CLIC4: variants seen among roughly 807,000 people sequenced by gnomAD.
The protein encoded by CLIC4 is CLIC family member 4.
CLIC4 carries 13 observed loss-of-function variants against 24.6 expected under a neutral mutation model. That is an observed-to-expected ratio of 0.53 (90% CI 0.34 to 0.84). The LOEUF (loss-of-function observed/expected upper bound fraction) is 0.84. CLIC4 is among the 40% of genes least tolerant of loss of function. The probability of loss-of-function intolerance (pLI) is 0.01; values close to 1 mark genes in which losing one functional copy is unlikely to be tolerated. For missense variants in CLIC4, 227 were observed against 301.7 expected (o/e 0.75, Z 1.83); for synonymous variants, 104 against 111.3 (o/e 0.93, Z 0.41).
chr1:24,820,096 T>TATATATATATATATAG (rs1557812358), intron 3 of CLIC4, among the ~76,000 whole-genome samples: 1 of 109,900 alleles, frequency 9.1e-6, no homozygotes, highest in African/African-American at 3.2e-5. Flanking sequence ...TATATATATA[T>TATATATATATATATAG]AGACAGTATC....
chr1:24,787,085 C>T (rs1639276556), intron 1 of CLIC4, among the ~76,000 whole-genome samples: 1 of 152,130 alleles, frequency 6.6e-6, no homozygotes, highest in Non-Finnish European at 1.5e-5. Context: ...CCACACCTGG[C>T]TAATTTTTTA....
intron 2 of CLIC4, among the ~76,000 whole-genome samples, chr1:24,801,970 GT>G (rs368351694): frequency 0.011 from 1,696 of 148,034 alleles, 15 homozygotes; most frequent in African/African-American, 0.029. Context: ...TTCTATTACT[GT>G]TTTTTTTTTA....
At chr1:24,821,414 A>C (rs2124161152) in intron 3 of CLIC4, among the ~76,000 whole-genome samples, 1 of 152,328 alleles carries the variant, frequency 6.6e-6, no homozygotes, top group East Asian at 1.9e-4. Context: ...ATATTCATAG[A>C]AACATTGTAA....
At chr1:24,755,949 G>A (rs1638842538) in intron 1 of CLIC4, among the ~76,000 whole-genome samples, 1 of 149,036 alleles carries the variant, frequency 6.7e-6, no homozygotes, top group Non-Finnish European at 1.5e-5. Flanking sequence ...AACCTCCTGA[G>A]TAGCTGGGAC....
intron 4 of CLIC4, among the ~76,000 whole-genome samples, chr1:24,829,272 A>G (rs577403908): frequency 2.0e-5 from 3 of 152,336 alleles, no homozygotes; most frequent in East Asian, 3.9e-4. Flanking sequence ...AAGGGATTCA[A>G]TGCCTGAATG....
intron 4 of CLIC4, among the ~76,000 whole-genome samples, chr1:24,836,050 A>G (rs1298367020): frequency 1.3e-5 from 2 of 152,240 alleles, no homozygotes; most frequent in African/African-American, 2.4e-5. Flanking sequence ...TAGTATAAAT[A>G]CTAACCTAAA....
intron 3 of CLIC4, among the ~76,000 whole-genome samples, chr1:24,817,565 C>G (rs1361659957): frequency 1.3e-5 from 2 of 152,206 alleles, no homozygotes; most frequent in East Asian, 1.9e-4. Context: ...ACCACTCAAA[C>G]TTTCTCCCTA....
At chr1:24,766,393 A>C (rs1389152460) in intron 1 of CLIC4, among the ~76,000 whole-genome samples, 2 of 150,328 alleles carry the variant, frequency 1.3e-5, no homozygotes, top group Non-Finnish European at 3.0e-5. Context: ...TGGCCTCCCA[A>C]AGTGCTAGGA....
At chr1:24,798,049 T>C (rs1639424387) in intron 2 of CLIC4, 198 bp downstream of exon 2, 1 of 433,250 alleles carries the variant, frequency 2.3e-6, no homozygotes, top group South Asian at 3.4e-5. Flanking sequence ...CTCAGTCTTT[T>C]TTAGGAACTT....
rs1639965652 is a variant in CLIC4, at chr1:24,843,689, C to G, written c.*2752C>G. 6.6e-6 allele frequency: 1 copy of G among 152,404 alleles called. No individual in the cohort carries two copies. The highest frequency in any genetic ancestry group is 6.6e-5 in the Admixed American group (1 of 15,266). The allele number at this position is 152,404 out of a possible 1,614,324, so 9.4% of individuals were successfully genotyped here. A position where few individuals can be genotyped will look rare whatever the true frequency, so the allele number is the denominator to read the frequency against. The stretch of plus-strand genomic sequence containing the variant: ...GGTAATTTTGGCTTTCACAATTTAT[C>G]TTTAAATCCTTGAGCAATCTGTATA... On this transcript the variant is annotated 3_prime_UTR_variant, in exon 6 of 6. Transcript: ENST00000374379.
intron 1 of CLIC4, chr1:24,777,945 C>T (rs1353863948): frequency 6.6e-6 from 1 of 152,144 alleles, no homozygotes; most frequent in Non-Finnish European, 1.5e-5. Context: ...TTTGAATTGT[C>T]CCAATTTTAG....
chr1:24,811,595 C>T (rs1639615840), intron 2 of CLIC4, among the ~76,000 whole-genome samples: 1 of 152,112 alleles, frequency 6.6e-6, no homozygotes, highest in Non-Finnish European at 1.5e-5. Flanking sequence ...ATCTCAGCCT[C>T]CCAAGTAGCT....
chr1:24,808,373 C>G (rs1159048073), intron 2 of CLIC4, among the ~76,000 whole-genome samples: 2 of 152,072 alleles, frequency 1.3e-5, no homozygotes, highest in African/African-American at 4.8e-5. Flanking sequence ...AAATAGCCTC[C>G]CATATACTTT....
Position 24,832,212 on chromosome 1 carries a change from T to TCAGTGGC in CLIC4, c.415+5096_415+5097insCAGTGGC, listed in dbSNP as rs762793913. ...TTTTATGTTTTTGATTTTTTATTTT[T>TCAGTGGC]TTTATTTTTTATTTTTTTTTTCTTT... On this transcript the variant is annotated intron_variant, in intron 4 of 5. Transcript: ENST00000374379. Among the ~76,000 whole-genome samples the TCAGTGGC allele has an allele frequency of 7.9e-4, 2 of 2,536 alleles. 1 individual carries two copies. The highest frequency in any genetic ancestry group is 3.1e-3 in the Non-Finnish European group (2 of 646). 1.7% of individuals were successfully genotyped at this position (2,536 alleles called of 152,430 possible).
chr1:24,773,016 A>T (rs1464669850), intron 1 of CLIC4, among the ~76,000 whole-genome samples: 11 of 152,074 alleles, frequency 7.2e-5, no homozygotes. Context: ...CAATATTGTG[A>T]TATATATCCT....
At chr1:24,779,674 CA>C (rs1639180540) in intron 1 of CLIC4, among the ~76,000 whole-genome samples, 1 of 152,122 alleles carries the variant, frequency 6.6e-6, no homozygotes, top group Non-Finnish European at 1.5e-5. Context: ...CCCTTACTCC[CA>C]TCTTGAGGTT....
At chr1:24,761,850 A>G (rs191867151) in intron 1 of CLIC4, among the ~76,000 whole-genome samples, 3 of 152,256 alleles carry the variant, frequency 2.0e-5, no homozygotes, top group East Asian at 3.9e-4. Flanking sequence ...TTAAGGAGGT[A>G]TGTGAGAGAG....
chr1:24,786,810 A>G (rs1043925080), intron 1 of CLIC4, among the ~76,000 whole-genome samples: 3 of 151,670 alleles, frequency 2.0e-5, no homozygotes, highest in Non-Finnish European at 2.9e-5. Context: ...AGTAGAGACG[A>G]GGTTTCACCA....
chr1:24,802,249 G>A (rs113189906), intron 2 of CLIC4, among the ~76,000 whole-genome samples: 3,100 of 152,192 alleles, frequency 0.02, 98 homozygotes, highest in African/African-American at 0.071. Flanking sequence ...CTATTTCAGA[G>A]TTGTCTGTTT....
Sources: gnomAD v4.1 joint callset for allele counts (sites outside exome capture counted in the v4.1 genomes callset) on GRCh38, gnomAD v4.1.1 for gene constraint, MANE v1.5 for transcripts, NCBI Gene and HGNC (gene_info 2026-07-23, HGNC 2026-07-21) for gene names.